KLHL2: variants seen among roughly 807,000 people sequenced by gnomAD.
KLHL2 encodes kelch-like protein 2.
KLHL2 carries 15 observed loss-of-function variants against 75.8 expected under a neutral mutation model. The ratio of observed to expected loss-of-function variants is 0.20; its 90% CI spans 0.13 to 0.30. The LOEUF (loss-of-function observed/expected upper bound fraction) is 0.30. Ranked by LOEUF, KLHL2 falls within the 10% of genes least tolerant of loss-of-function variation. The pLI, the probability that KLHL2 is intolerant of heterozygous loss-of-function variation, is 1.00. For missense variants in KLHL2, 381 were observed against 741.0 expected, an observed-to-expected ratio of 0.51 and a Z score of 5.64; for synonymous variants, 214 against 251.9, an observed-to-expected ratio of 0.85 and a Z score of 1.42.
chr4:165,211,058 C>G (rs1737170006), intron 1 of KLHL2, among the ~76,000 whole-genome samples: 1 of 152,040 alleles, frequency 6.6e-6, no homozygotes, highest in Non-Finnish European at 1.5e-5. Context: ...GGTGGTCATG[C>G]ATAGGCAGAA....
chr4:165,250,029 CAGG>C (rs1381197807), intron 4 of KLHL2, among the ~76,000 whole-genome samples: 2 of 151,542 alleles, frequency 1.3e-5, no homozygotes, highest in Non-Finnish European at 2.9e-5. Context: ...GAGGCTGAGG[CAGG>C]AGAATGGTGT....
At chr4:165,308,635 TA>T (rs771713153) in intron 9 of KLHL2, among the ~76,000 whole-genome samples, 2 of 152,232 alleles carry the variant, frequency 1.3e-5, no homozygotes, top group Non-Finnish European at 2.9e-5. Flanking sequence ...TAAAATTCTC[TA>T]AACCTTGGTA....
chr4:165,277,779 AC>A, intron 5 of KLHL2: 3 of 613,714 alleles, frequency 4.9e-6, no homozygotes, highest in Non-Finnish European at 5.8e-6. Flanking sequence ...ACACACACAC[AC>A]ACACACCAAA....
At chr4:165,264,725 T>TATATATATATATATATATAC (rs1560783914) in intron 5 of KLHL2, among the ~76,000 whole-genome samples, 4 of 74,048 alleles carry the variant, frequency 5.4e-5, no homozygotes, top group Non-Finnish European at 7.8e-5. Context: ...TATATACATA[T>TATATATATATATATATATAC]ATATATATAT....
intron 1 of KLHL2, among the ~76,000 whole-genome samples, chr4:165,217,232 A>G (rs983464378): frequency 2.6e-5 from 4 of 152,234 alleles, no homozygotes. Context: ...GTATATAGAC[A>G]TGCAGTGTTA....
At chr4:165,247,499 C>T (rs530933201) in intron 4 of KLHL2, among the ~76,000 whole-genome samples, 106 of 151,708 alleles carry the variant, frequency 7.0e-4, no homozygotes, top group African/African-American at 2.4e-3. Context: ...AGTAGAAAAG[C>T]GAAAGTTGAT....
chr4:165,278,005 C>T, intron 5 of KLHL2: 1 of 1,439,334 alleles, frequency 6.9e-7, no homozygotes, highest in South Asian at 1.1e-5. Flanking sequence ...CTGAGATGTA[C>T]CTTGCTCCGA....
rs767265035 is a variant in KLHL2 at position 165,297,684 on chromosome 4, C to T, written c.730C>T (p.His244Tyr). The T allele has an allele frequency of 1.2e-5, 20 of 1,613,756 alleles. No homozygotes were observed. The Admixed American group carries it at 3.3e-4, about 27-fold the overall frequency. ...RQEFMARLMEHVRLPLLPREY... is the reference protein window; with the variant it reads ...RQEFMARLMEYVRLPLLPREY... ...AGAGTTTATGGCCCGACTGATGGAACATGTACGGTTACCTTTGCTTCCTCG... is the reference window on the plus strand; with the variant it reads ...AGAGTTTATGGCCCGACTGATGGAATATGTACGGTTACCTTTGCTTCCTCG... The change falls in exon 7 of 15, where the codon CAT becomes TAT. Residue 244 changes from histidine (H) to tyrosine (Y), a missense_variant. Coordinates refer to ENST00000226725, the MANE Select transcript of KLHL2 (RefSeq NM_007246.4).
chr4:165,237,621 A>G (rs1235534570), intron 3 of KLHL2, among the ~76,000 whole-genome samples: 3 of 152,170 alleles, frequency 2.0e-5, no homozygotes, highest in Non-Finnish European at 4.4e-5. Flanking sequence ...CTGATAGTTT[A>G]TGGTCGCTGA....
At chr4:165,280,243 A>T (rs1743561162) in intron 5 of KLHL2, among the ~76,000 whole-genome samples, 1 of 152,224 alleles carries the variant, frequency 6.6e-6, no homozygotes, top group Non-Finnish European at 1.5e-5. Flanking sequence ...GGCTCAGTAC[A>T]ATTTAACCCT....
At chr4:165,245,966 T>C (rs1451766236) in intron 4 of KLHL2, among the ~76,000 whole-genome samples, 2 of 152,052 alleles carry the variant, frequency 1.3e-5, no homozygotes, top group African/African-American at 4.8e-5. Flanking sequence ...GTTCCAACCA[T>C]TGGTGTTACA....
chr4:165,241,477 G>A (rs1739814146), intron 4 of KLHL2, among the ~76,000 whole-genome samples: 1 of 152,102 alleles, frequency 6.6e-6, no homozygotes, highest in African/African-American at 2.4e-5. Context: ...GAATTTATAT[G>A]CCCTGAAGGT....
rs760283663 is a variant in KLHL2 at position 165,278,387 on chromosome 4, C to G, written c.544+15028C>G. Reference sequence around the variant, plus strand: ...CATTCCTCCATCAACCTGCAAATGACTGAGTGGAATTCCACAGTCTCGATT... The same window carrying G: ...CATTCCTCCATCAACCTGCAAATGAGTGAGTGGAATTCCACAGTCTCGATT... On this transcript the variant is annotated intron_variant, in intron 5 of 14. Transcript: ENST00000226725. 9 of 1,349,508 alleles carry G rather than the reference C, an allele frequency of 6.7e-6. No individual in the cohort carries two copies. In the South Asian group the frequency reaches 1.1e-4, roughly 16 times the overall value. The allele number at this position is 1,349,508 out of a possible 1,614,324, so 83.6% of individuals were successfully genotyped here.
chr4:165,257,079 A>G (rs1339383969), intron 4 of KLHL2, among the ~76,000 whole-genome samples: 1 of 152,216 alleles, frequency 6.6e-6, no homozygotes, highest in Non-Finnish European at 1.5e-5. Context: ...AAACAGCACT[A>G]TAATTAATAG....
At chr4:165,280,591 C>T (rs1250606732) in intron 5 of KLHL2, among the ~76,000 whole-genome samples, 1 of 152,242 alleles carries the variant, frequency 6.6e-6, no homozygotes, top group East Asian at 1.9e-4. Flanking sequence ...TGTTAATTTA[C>T]TGATACAGAA....
intron 4 of KLHL2, among the ~76,000 whole-genome samples, chr4:165,262,189 A>G (rs1203174184): frequency 2.0e-5 from 3 of 152,248 alleles, no homozygotes; most frequent in Admixed American, 6.5e-5. Flanking sequence ...TAGTGGTTCA[A>G]TCCCACAGAA....
At chr4:165,264,743 TATATATATATATATATATATATAA>T (rs1365476980) in intron 5 of KLHL2, among the ~76,000 whole-genome samples, 8 of 61,730 alleles carry the variant, frequency 1.3e-4, no homozygotes, top group African/African-American at 5.1e-4. Flanking sequence ...TATATATGTA[TATATATATATATATATATATATAA>T]AACATTATCC....
chr4:165,232,757 AG>A (rs1013662617), intron 3 of KLHL2, among the ~76,000 whole-genome samples: 5 of 152,098 alleles, frequency 3.3e-5, no homozygotes, highest in African/African-American at 1.2e-4. Flanking sequence ...AAAATGAAAA[AG>A]AAAAAAAGAA....
intron 4 of KLHL2, among the ~76,000 whole-genome samples, chr4:165,261,373 C>T (rs2111224986): frequency 6.6e-6 from 1 of 152,258 alleles, no homozygotes; most frequent in Middle Eastern, 3.4e-3. Flanking sequence ...CGGAGTCTCT[C>T]TCTGTCACCC....
Sources: gnomAD v4.1 joint callset for allele counts (sites outside exome capture counted in the v4.1 genomes callset) on GRCh38, gnomAD v4.1.1 for gene constraint, MANE v1.5 for transcripts, NCBI Gene and HGNC (gene_info 2026-07-23, HGNC 2026-07-21) for gene names.